Variants in THSD4 observed in about 807,000 individuals in gnomAD.
THSD4 encodes the protein thrombospondin type 1 domain containing 4.
Under a neutral mutation model 119.0 loss-of-function variants are expected in THSD4, and 69 were observed. That is an observed-to-expected ratio of 0.58 (90% CI 0.48 to 0.71). The LOEUF (loss-of-function observed/expected upper bound fraction) is 0.71, where lower values mean the gene tolerates loss of function less well. Among genes scored for constraint, THSD4 ranks in the 30% least tolerant of loss-of-function variants. The pLI, the probability that THSD4 is intolerant of heterozygous loss-of-function variation, is 0.00. For synonymous variants in THSD4, 524 were observed against 540.4 expected (o/e 0.97, Z 0.42); for missense variants, 1,393 against 1,391.1 (o/e 1.00, Z -0.02).
chr15:71,442,086 G>A (rs1041023183), intron 7 of THSD4, among the ~76,000 whole-genome samples: 1 of 152,092 alleles, frequency 6.6e-6, no homozygotes, highest in Non-Finnish European at 1.5e-5. Flanking sequence ...AGCCTCCTGA[G>A]TAGTGGGGAC....
intron 6 of THSD4, among the ~76,000 whole-genome samples, chr15:71,298,747 G>C (rs2140334258): frequency 6.6e-6 from 1 of 152,018 alleles, no homozygotes; most frequent in East Asian, 1.9e-4. Context: ...TGAGTAGCTG[G>C]GACTACAGGC....
chr15:71,531,139 C>A (rs1044617734), intron 7 of THSD4, among the ~76,000 whole-genome samples: 9 of 151,952 alleles, frequency 5.9e-5, no homozygotes, highest in African/African-American at 2.2e-4. Flanking sequence ...TAGAGGGAGA[C>A]CAGAGGGTCA....
chr15:71,235,925 A>G (rs1404797523), intron 4 of THSD4, among the ~76,000 whole-genome samples: 1 of 152,066 alleles, frequency 6.6e-6, no homozygotes, highest in African/African-American at 2.4e-5. Context: ...AAAACTCAGG[A>G]CCTTCAAGGT....
intron 6 of THSD4, among the ~76,000 whole-genome samples, chr15:71,373,030 T>G (rs2046078383): frequency 1.3e-5 from 2 of 152,216 alleles, no homozygotes; most frequent in South Asian, 4.1e-4. Context: ...TTTTCAATCT[T>G]GCAACAACCT....
chr15:71,309,139 CAG>C (rs1395005544), intron 6 of THSD4, among the ~76,000 whole-genome samples: 1 of 152,156 alleles, frequency 6.6e-6, no homozygotes, highest in Non-Finnish European at 1.5e-5. Context: ...TCAGTAAAGA[CAG>C]GGTTCACCAT....
intron 3 of THSD4, among the ~76,000 whole-genome samples, chr15:71,174,000 G>A (rs2141410257): frequency 6.6e-6 from 1 of 152,274 alleles, no homozygotes; most frequent in Non-Finnish European, 1.5e-5. Flanking sequence ...AAAATGTAGA[G>A]CAAAATCTTC....
chr15:71,564,788 TATA>T (rs1567039344), intron 7 of THSD4, among the ~76,000 whole-genome samples: 18 of 41,604 alleles, frequency 4.3e-4, no homozygotes, highest in African/African-American at 1.1e-3. Context: ...TATTATAACA[TATA>T]ATACAATATA....
At chr15:71,131,636 AT>A (rs1265175760) in intron 1 of THSD4, among the ~76,000 whole-genome samples, 7 of 152,108 alleles carry the variant, frequency 4.6e-5, no homozygotes, top group Non-Finnish European at 8.8e-5. Context: ...GACTTTTACC[AT>A]TTTTTTTCCC....
chr15:71,755,240 C>T (rs2141188886), intron 14 of THSD4, among the ~76,000 whole-genome samples: 1 of 152,290 alleles, frequency 6.6e-6, no homozygotes, highest in South Asian at 2.1e-4. Context: ...GCCCTTTGCT[C>T]CAGAGGGAGT....
chr15:71,197,193 C>A (rs2043727533), intron 3 of THSD4, among the ~76,000 whole-genome samples: 1 of 152,216 alleles, frequency 6.6e-6, no homozygotes, highest in Admixed American at 6.5e-5. Flanking sequence ...CAGGGTTATC[C>A]TGGGAATCAG....
intron 7 of THSD4, among the ~76,000 whole-genome samples, chr15:71,576,338 T>G (rs1001503357): frequency 6.6e-6 from 1 of 152,154 alleles, no homozygotes; most frequent in Non-Finnish European, 1.5e-5. Context: ...AAAACCATGT[T>G]TGTTTGTTTG....
chr15:71,224,818 C>T (rs1225607541), intron 4 of THSD4, among the ~76,000 whole-genome samples: 1 of 152,154 alleles, frequency 6.6e-6, no homozygotes, highest in Non-Finnish European at 1.5e-5. Flanking sequence ...TCCTACCTCC[C>T]ACTTATAAGG....
At chr15:71,243,245 A>G (rs748415969) in intron 5 of THSD4, 149 bp downstream of exon 5, 7 of 812,608 alleles carry the variant, frequency 8.6e-6, no homozygotes, top group African/African-American at 1.7e-5. Context: ...TTTGCTTTCC[A>G]TGTATTCTCC....
intron 7 of THSD4, among the ~76,000 whole-genome samples, chr15:71,451,914 T>C (rs754285938): frequency 2.6e-5 from 4 of 152,188 alleles, no homozygotes; most frequent in Non-Finnish European, 5.9e-5. Context: ...GCCTGGTCTC[T>C]GGGACCTATG....
At chr15:71,258,004 A>T (rs151201284) in intron 6 of THSD4, among the ~76,000 whole-genome samples, 56 of 152,110 alleles carry the variant, frequency 3.7e-4, no homozygotes, top group African/African-American at 1.3e-3. Context: ...CTTGGTTCTG[A>T]CCTTTTTCAT....
At chr15:71,661,139 G>A (rs2051298314) in intron 8 of THSD4, among the ~76,000 whole-genome samples, 1 of 152,156 alleles carries the variant, frequency 6.6e-6, no homozygotes, top group African/African-American at 2.4e-5. Flanking sequence ...ACTCCCTGGA[G>A]GTCTAAAGCG....
chr15:71,547,431 T>C (rs188002691), intron 7 of THSD4: 216 of 1,550,460 alleles, frequency 1.4e-4, no homozygotes, highest in Middle Eastern at 1.7e-4. Flanking sequence ...CTACCTGATA[T>C]TAACATTGCT....
At chr15:71,376,382 T>C (rs2046137079) in intron 6 of THSD4, among the ~76,000 whole-genome samples, 4 of 152,162 alleles carry the variant, frequency 2.6e-5, no homozygotes, top group South Asian at 4.1e-4. Context: ...CTTACCATGA[T>C]TGAGTCTCCC....
intron 4 of THSD4, among the ~76,000 whole-genome samples, chr15:71,221,059 G>A (rs2043971540): frequency 6.6e-6 from 1 of 152,170 alleles, no homozygotes; most frequent in Non-Finnish European, 1.5e-5. Flanking sequence ...AGGGGAAGGG[G>A]CGAGTAGGGA....
Sources: allele counts gnomAD v4.1 joint callset (sites outside exome capture counted in the v4.1 genomes callset), GRCh38; gene constraint gnomAD v4.1.1; transcripts MANE v1.5; gene names NCBI Gene and HGNC (gene_info 2026-07-23, HGNC 2026-07-21).